Variants in JADE3 observed in about 807,000 individuals in gnomAD.
The protein encoded by JADE3 is protein Jade-3.
In JADE3, 2 loss-of-function variants were observed where a neutral mutation model predicts 50.1. That is an observed-to-expected ratio of 0.04 (90% CI 0.02 to 0.13). The LOEUF is 0.13. Ranked by LOEUF, JADE3 falls within the 10% of genes least tolerant of loss-of-function variation. The pLI is 1.00. For synonymous variants in JADE3, 218 were observed against 232.9 expected (o/e 0.94, Z 0.58); for missense variants, 475 against 634.4 (o/e 0.75, Z 2.70).
chrX:47,026,930 CA>C (rs782247641), intron 5 of JADE3, among the ~76,000 whole-genome samples: 12 of 106,847 alleles, frequency 1.1e-4, no homozygotes, highest in East Asian at 2.9e-4. Flanking sequence ...TCCTTTACTC[CA>C]AAAAAAAAAT....
At chrX:46,962,202 C>T (rs1927277700) in intron 1 of JADE3, among the ~76,000 whole-genome samples, 1 of 111,673 alleles carries the variant, frequency 9.0e-6, no homozygotes, top group Admixed American at 9.5e-5. Context: ...AATCCTGCCT[C>T]TTAGGCTTCT....
At chrX:47,034,668 C>T (rs781868485) in intron 7 of JADE3, among the ~76,000 whole-genome samples, 2 of 109,981 alleles carry the variant, frequency 1.8e-5, no homozygotes, top group Non-Finnish European at 3.8e-5. Flanking sequence ...GGCGCTATCT[C>T]GGCTCACTGC....
intron 1 of JADE3, among the ~76,000 whole-genome samples, chrX:46,977,822 T>C (rs1444786186): frequency 9.0e-5 from 10 of 111,303 alleles, no homozygotes; most frequent in Non-Finnish European, 1.9e-5. Flanking sequence ...AGAACAATTA[T>C]TGACTGCAGG....
chrX:46,999,487 A>ACATATATATAC (rs1556358444), intron 4 of JADE3, among the ~76,000 whole-genome samples: 7 of 103,179 alleles, frequency 6.8e-5, no homozygotes, highest in Non-Finnish European at 1.2e-4. Flanking sequence ...ATATATATAA[A>ACATATATATAC]ATAGGGTCTT....
chrX:46,920,471 G>A (rs1556337493), intron 1 of JADE3, among the ~76,000 whole-genome samples: 1 of 112,720 alleles, frequency 8.9e-6, no homozygotes, highest in Non-Finnish European at 1.9e-5. Flanking sequence ...GTCGAAGGAC[G>A]ACTTAGTTGT....
Position 46,982,049 on chromosome X carries a change from T to C in JADE3, c.-11-2835T>C, listed in dbSNP as rs1352644505. Among the ~76,000 whole-genome samples, 7 of 111,607 alleles carry C rather than the reference T, an allele frequency of 6.3e-5. No homozygotes were observed. In the East Asian group the frequency reaches 1.4e-3, roughly 22 times the overall value. On this transcript the variant is annotated intron_variant, in intron 1 of 10. Transcript: ENST00000614628. ...TTTCAGTAAATTTGGGGAGTTTTTCTAATATTTTTTCTGCTCCTTTCTCAT... is the reference window on the plus strand; with the variant it reads ...TTTCAGTAAATTTGGGGAGTTTTTCCAATATTTTTTCTGCTCCTTTCTCAT...
chrX:47,024,087 G>T (rs1400315247), intron 4 of JADE3, among the ~76,000 whole-genome samples: 1 of 112,275 alleles, frequency 8.9e-6, no homozygotes, highest in Non-Finnish European at 1.9e-5. Context: ...ATGGGATCTG[G>T]CTGTGCCTTT....
At chrX:47,019,398 G>T (rs782168139) in intron 4 of JADE3, among the ~76,000 whole-genome samples, 1 of 110,906 alleles carries the variant, frequency 9.0e-6, no homozygotes, top group Non-Finnish European at 1.9e-5. Flanking sequence ...TTATTTGTGT[G>T]TTTAGAGATA....
intron 1 of JADE3, among the ~76,000 whole-genome samples, chrX:46,949,694 T>A (rs781956971): frequency 8.9e-6 from 1 of 111,844 alleles, no homozygotes; most frequent in Non-Finnish European, 1.9e-5. Context: ...CATTTCTATG[T>A]CCCTGAAAGT....
intron 4 of JADE3, among the ~76,000 whole-genome samples, chrX:47,005,575 C>T (rs1019372615): frequency 2.1e-4 from 23 of 112,050 alleles, no homozygotes; most frequent in Non-Finnish European, 4.3e-4. Context: ...AACTCTTCTC[C>T]AGTCAAACAC....
intron 7 of JADE3, 30 bp from the exon 8 acceptor site, chrX:47,038,919 T>C (rs1159375983): frequency 2.4e-6 from 2 of 847,681 alleles, no homozygotes; most frequent in Non-Finnish European, 3.5e-6. Flanking sequence ...GCCTTGGTAC[T>C]TCTGCCTTAT....
intron 1 of JADE3, among the ~76,000 whole-genome samples, chrX:46,975,901 G>A (rs1457734932): frequency 1.9e-5 from 2 of 107,382 alleles, no homozygotes; most frequent in Non-Finnish European, 3.8e-5. Context: ...TGTATTTTTA[G>A]TAGAGACGCG....
chrX:46,999,101 CAT>C (rs781942109), intron 4 of JADE3, among the ~76,000 whole-genome samples: 6 of 110,975 alleles, frequency 5.4e-5, no homozygotes, highest in African/African-American at 2.0e-4. Context: ...TGTGTTATAA[CAT>C]GTGAGAAAAG....
intron 3 of JADE3, among the ~76,000 whole-genome samples, chrX:46,992,054 G>C (rs1569536632): frequency 9.0e-6 from 1 of 110,951 alleles, no homozygotes; most frequent in Non-Finnish European, 1.9e-5. Context: ...GATGTTCTCA[G>C]CCTTTGTCCT....
intron 4 of JADE3, among the ~76,000 whole-genome samples, chrX:47,021,514 C>G (rs1928792368): frequency 9.0e-6 from 1 of 111,429 alleles, no homozygotes; most frequent in Non-Finnish European, 1.9e-5. Flanking sequence ...GCTATAATAT[C>G]TGCTGCCAAA....
At chrX:46,941,031 C>T (rs1259311566) in intron 1 of JADE3, among the ~76,000 whole-genome samples, 1 of 110,463 alleles carries the variant, frequency 9.1e-6, no homozygotes, top group Non-Finnish European at 1.9e-5. Flanking sequence ...ACAGATGGTC[C>T]TGTCACCCAG....
intron 4 of JADE3, among the ~76,000 whole-genome samples, chrX:46,998,771 C>T (rs782330285): frequency 9.0e-6 from 1 of 111,325 alleles, no homozygotes; most frequent in Non-Finnish European, 1.9e-5. Context: ...TGGCTCACTG[C>T]AACCTCTGCC....
intron 1 of JADE3, among the ~76,000 whole-genome samples, chrX:46,921,512 G>T (rs1373555144): frequency 2.7e-5 from 3 of 111,846 alleles, no homozygotes; most frequent in Non-Finnish European, 3.8e-5. Flanking sequence ...ACTGTGTTGT[G>T]CAGAAAAGAG....
intron 1 of JADE3, among the ~76,000 whole-genome samples, chrX:46,916,425 A>G (rs1156771332): frequency 8.9e-6 from 1 of 112,083 alleles, no homozygotes; most frequent in African/African-American, 3.2e-5. Context: ...GCCACTGGGT[A>G]TAGCAGAACA....
Sources: gnomAD v4.1 joint callset for allele counts (sites outside exome capture counted in the v4.1 genomes callset) on GRCh38, gnomAD v4.1.1 for gene constraint, MANE v1.5 for transcripts, NCBI Gene and HGNC (gene_info 2026-07-23, HGNC 2026-07-21) for gene names.